BPTF: variants seen among roughly 807,000 people sequenced by gnomAD.
BPTF encodes bromodomain PHD finger transcription factor.
Under a neutral mutation model 292.5 loss-of-function variants are expected in BPTF, and 18 were observed. The observed-to-expected ratio is 0.06, with a 90% CI of 0.04 to 0.09. BPTF has a LOEUF of 0.09. Ranked by LOEUF, BPTF falls within the 10% of genes least tolerant of loss-of-function variation. BPTF has a pLI of 1.00. For synonymous variants in BPTF, 1,225 were observed against 1,251.9 expected, an observed-to-expected ratio of 0.98 and a Z score of 0.45; for missense variants, 2,726 against 3,498.7, an observed-to-expected ratio of 0.78 and a Z score of 5.57.
chr17:67,962,910 A>G (rs1441669141), intron 24 of BPTF, among the ~76,000 whole-genome samples: 1 of 152,208 alleles, frequency 6.6e-6, no homozygotes, highest in Non-Finnish European at 1.5e-5. Flanking sequence ...TTTCAAACCT[A>G]TCTAAGAAAT....
chr17:67,959,992 T>A (rs1162172271), intron 24 of BPTF, 117 bp downstream of exon 24: 2 of 814,324 alleles, frequency 2.5e-6, no homozygotes, highest in Admixed American at 3.4e-5. Context: ...AATTTAAGAG[T>A]AATGTTTCAT....
At chr17:67,899,585 C>A (rs543914126) in intron 7 of BPTF, among the ~76,000 whole-genome samples, 7 of 145,480 alleles carry the variant, frequency 4.8e-5, no homozygotes, top group Non-Finnish European at 8.9e-5. Flanking sequence ...GGCTGGAGTG[C>A]AGTGGTGCAA....
At chr17:67,884,723 G>A (rs2060642157) in intron 4 of BPTF, among the ~76,000 whole-genome samples, 1 of 151,872 alleles carries the variant, frequency 6.6e-6, no homozygotes, top group African/African-American at 2.4e-5. Flanking sequence ...GCCTTCATAG[G>A]CATTTTCTTT....
chr17:67,866,519 G>A lies in BPTF; in HGVS notation c.1492G>A (p.Val498Ile), dbSNP rs1271623813. The A allele has an allele frequency of 9.3e-6, 15 of 1,613,908 alleles. No individual in the cohort carries two copies. Among genetic ancestry groups the A allele is most frequent in the Non-Finnish European group, 1.3e-5 (15 of 1,179,982 alleles). ...EKKIWYYSTK[V>I]QLAELIDCLD... is the part of the protein sequence containing the mutation. The stretch of plus-strand genomic sequence containing the variant: ...GAAAATTTGGTATTACAGCACAAAG[G>A]TCCAACTTGCAGAATTAATTGACTG... The change falls in exon 3 of 28, where the codon GTC becomes ATC. Residue 498 changes from valine to isoleucine, a missense_variant. Val to Ile is a conservative substitution (Grantham distance 29). Transcript: ENST00000306378.
chr17:67,882,101 G>C (rs8074644), intron 4 of BPTF, among the ~76,000 whole-genome samples: 46,307 of 151,850 alleles, frequency 0.3, 8,422 homozygotes, highest in East Asian at 0.66. Context: ...TCCCAAAGTG[G>C]TAGAATTACA....
rs745437922 is a variant in BPTF at position 67,912,113 on chromosome 17, A to G, written c.4229A>G (p.Lys1410Arg). Residue 1410 changes from lysine to arginine, a missense_variant, in exon 11 of 28, where the codon AAA becomes AGA. Transcript: ENST00000306378. ...QRTSTFQING[K>R]DNKPKIYLKG... ...ACAAGTACATTTCAAATAAATGGAA[A>G]AGATAATAAACCCAAAATATATTTG... 2 of 1,608,076 alleles carry G rather than the reference A, an allele frequency of 1.2e-6. No homozygotes were observed. The highest frequency in any genetic ancestry group is 1.7e-6 in the Non-Finnish European group (2 of 1,178,266).
At chr17:67,975,065 ACT>A (rs1555693101) in intron 26 of BPTF, 1 of 151,778 alleles carries the variant, frequency 6.6e-6, no homozygotes, top group African/African-American at 2.4e-5. Context: ...TATAAAAGAA[ACT>A]CTTATCACTC....
rs748501630 is a variant in BPTF, at chr17:67,922,805, A to G, written c.5558-35A>G. 1.4e-5 allele frequency: 22 copies of G among 1,569,932 alleles called. No individual in the cohort carries two copies. The Middle Eastern group carries it at 5.1e-4, about 37-fold the overall frequency. The stretch of plus-strand genomic sequence containing the variant: ...CAGAAGTACTTTAATTTTAGAAGCA[A>G]TATTGCTTAAAATATTCTGATTTCC... On this transcript the variant is annotated intron_variant, in intron 13 of 27. Transcript: ENST00000306378.
chr17:67,896,209 G>A (rs185705855), intron 7 of BPTF, among the ~76,000 whole-genome samples: 14 of 152,174 alleles, frequency 9.2e-5, no homozygotes, highest in East Asian at 1.9e-4. Flanking sequence ...TGATCCGCCC[G>A]CCTTGGCCTC....
At chr17:67,844,547 A>AT (rs2057883078) in intron 1 of BPTF, among the ~76,000 whole-genome samples, 10 of 146,408 alleles carry the variant, frequency 6.8e-5, no homozygotes, top group Non-Finnish European at 3.0e-5. Flanking sequence ...ACGCCCGGCT[A>AT]ATTTTTTTTT....
intron 1 of BPTF, among the ~76,000 whole-genome samples, chr17:67,837,396 C>G (rs189638114): frequency 6.6e-5 from 10 of 151,626 alleles, no homozygotes; most frequent in African/African-American, 2.4e-4. Flanking sequence ...CTTCCCTAGT[C>G]TGTGCTTATG....
At chr17:67,898,499 G>T (rs1454227933) in intron 7 of BPTF, among the ~76,000 whole-genome samples, 1 of 151,734 alleles carries the variant, frequency 6.6e-6, no homozygotes. Context: ...TCGTAGAGAT[G>T]GGGTCTCCCT....
rs184876227 is a variant in BPTF at position 67,936,860 on chromosome 17, A to C, written c.6260-3579A>C. On this transcript the variant is annotated intron_variant, in intron 18 of 27. Transcript: ENST00000306378. ...CTATCCCCATTTTACCGATGAGAAA[A>C]TTGAAATTTAGAATGTTGAGTAATT... 2.6e-3 allele frequency among the ~76,000 whole-genome samples: 390 copies of C among 152,324 alleles called. 3 individuals carry two copies. The highest frequency in any genetic ancestry group is 8.9e-3 in the African/African-American group (369 of 41,568).
chr17:67,874,776 A>T (rs2059952742), intron 3 of BPTF, 41 bp from the exon 4 acceptor site: 1 of 1,348,864 alleles, frequency 7.4e-7, no homozygotes, highest in Admixed American at 1.9e-5. Context: ...CTATTTGGTT[A>T]TATATAGGAA....
intron 3 of BPTF, among the ~76,000 whole-genome samples, chr17:67,872,281 G>A (rs990679861): frequency 6.6e-6 from 1 of 152,178 alleles, no homozygotes; most frequent in Non-Finnish European, 1.5e-5. Context: ...CATGCAACCT[G>A]TGCTTTTCAA....
chr17:67,866,243 G>A (rs530835859), intron 2 of BPTF, among the ~76,000 whole-genome samples: 40 of 152,216 alleles, frequency 2.6e-4, no homozygotes, highest in African/African-American at 8.7e-4. Flanking sequence ...GTACTCTCAC[G>A]TGGTTCTGAA....
At chr17:67,965,515 A>G (rs1199769189) in intron 25 of BPTF, 1 of 149,910 alleles carries the variant, frequency 6.7e-6, no homozygotes, top group Non-Finnish European at 1.5e-5. Context: ...CTGGGCAGCA[A>G]AGTGAGACCC....
chr17:67,825,559 GC>G lies in BPTF; in HGVS notation c.-162del. On this transcript the variant is annotated 5_prime_UTR_variant, in exon 1 of 28. An upstream open reading frame in the 5' UTR loses its in-frame stop. Transcript: ENST00000306378. ...GCGGCTGAAGGCGATCCGGAGTGGGGCCCCAGCAATTCGGATTGAGCCTTCT... is the reference window on the plus strand; with the variant it reads ...GCGGCTGAAGGCGATCCGGAGTGGGGCCCAGCAATTCGGATTGAGCCTTCT... 2.3e-6 allele frequency: 1 copy of G among 430,028 alleles called. No homozygotes were observed. Among genetic ancestry groups the G allele is most frequent in the South Asian group, 1.7e-5 (1 of 59,570 alleles). 26.6% of individuals were successfully genotyped at this position (430,028 alleles called of 1,614,324 possible).
At chr17:67,938,776 G>A (rs555204974) in intron 18 of BPTF, among the ~76,000 whole-genome samples, 43 of 152,268 alleles carry the variant, frequency 2.8e-4, no homozygotes, top group Non-Finnish European at 5.3e-4. Context: ...TTTTAAAATT[G>A]CAAGTTTAGA....
Sources: gnomAD v4.1 joint callset for allele counts (sites outside exome capture counted in the v4.1 genomes callset) on GRCh38, gnomAD v4.1.1 for gene constraint, MANE v1.5 for transcripts, NCBI Gene and HGNC (gene_info 2026-07-23, HGNC 2026-07-21) for gene names.